The following AGR3 variants were observed in gnomAD, a reference collection of about 807,000 sequenced individuals.
AGR3 encodes anterior gradient 3, protein disulphide isomerase family member.
Under a neutral mutation model 24.5 loss-of-function variants are expected in AGR3, and 37 were observed. The ratio of observed to expected loss-of-function variants is 1.51; its 90% CI spans 1.16 to 1.99. The LOEUF is 1.99. Among genes scored for constraint, AGR3 ranks in the 30% most tolerant of loss-of-function variants. The pLI, the probability that AGR3 is intolerant of heterozygous loss-of-function variation, is 0.00. For missense variants in AGR3, 228 were observed against 191.1 expected, an observed-to-expected ratio of 1.19 and a Z score of -1.14; for synonymous variants, 75 against 61.6, an observed-to-expected ratio of 1.22 and a Z score of -1.02.
At chr7:16,874,939 T>C (rs943758976) in intron 2 of AGR3, among the ~76,000 whole-genome samples, 3 of 151,806 alleles carry the variant, frequency 2.0e-5, no homozygotes, top group African/African-American at 7.3e-5. Flanking sequence ...CAATACAGTG[T>C]AATCTGTCTC....
At chr7:16,864,222 A>T in intron 3 of AGR3, 2 of 1,194,608 alleles carry the variant, frequency 1.7e-6, no homozygotes, top group Non-Finnish European at 2.4e-6. Flanking sequence ...AATGAAACAA[A>T]AATGAATCTG....
chr7:16,875,101 C>T (rs543674639), intron 2 of AGR3, among the ~76,000 whole-genome samples: 2 of 130,430 alleles, frequency 1.5e-5, no homozygotes, highest in East Asian at 2.2e-4. Flanking sequence ...GGTAACAGAG[C>T]GAGACTCCAT....
intron 3 of AGR3, among the ~76,000 whole-genome samples, chr7:16,872,685 T>C (rs1781907287): frequency 6.6e-6 from 1 of 152,102 alleles, no homozygotes; most frequent in Non-Finnish European, 1.5e-5. Context: ...ATAGGAGAAA[T>C]TATTTGCAAA....
At position 16,873,744 on chromosome 7, in the gene AGR3, A is replaced by T. The variant is rs755161846; in HGVS notation, c.173+36T>A. ...GTACAATTATTATGAGTCTACTACA[A>T]ATAAAAGGAAAAAAATGAGCTGAGA... On this transcript the variant is annotated intron_variant, in intron 3 of 7. Transcript: ENST00000310398. 2.0e-6 allele frequency: 3 copies of T among 1,498,870 alleles called. No individual in the cohort carries two copies. The African/African-American group carries it at 4.2e-5, about 21-fold the overall frequency. The allele number at this position is 1,498,870 out of a possible 1,614,324, so 92.8% of individuals were successfully genotyped here. A position where few individuals can be genotyped will look rare whatever the true frequency, so the allele number is the denominator to read the frequency against.
intron 3 of AGR3, among the ~76,000 whole-genome samples, chr7:16,872,309 TAA>T (rs1406075809): frequency 6.6e-6 from 1 of 152,190 alleles, no homozygotes; most frequent in Non-Finnish European, 1.5e-5. Flanking sequence ...TCCACGTATT[TAA>T]AGTCAGCTGA....
In AGR3 at chr7:16,877,884, A is replaced by AT. The variant is rs1254854497; in HGVS notation, c.109+625dup. On this transcript the variant is annotated intron_variant, in intron 2 of 7. Transcript: ENST00000310398. Reference sequence around the variant, plus strand: ...TCTCAAAAAAAAAAAAAAAGAGAGAATTTTTTTTAATAAAATGTTTCTTTA... The same window carrying AT: ...TCTCAAAAAAAAAAAAAAAGAGAGAATTTTTTTTTAATAAAATGTTTCTTTA... Among the ~76,000 whole-genome samples, 643 of 146,486 alleles carry AT rather than the reference A, an allele frequency of 4.4e-3. 3 individuals carry two copies. Among genetic ancestry groups the AT allele is most frequent in the African/African-American group, 0.015 (596 of 40,298 alleles).
intron 3 of AGR3, among the ~76,000 whole-genome samples, chr7:16,872,996 G>T (rs182950020): frequency 3.0e-4 from 46 of 152,298 alleles, no homozygotes; most frequent in Non-Finnish European, 4.9e-4. Context: ...CTTATACACT[G>T]TTGGTAGGAA....
At chr7:16,881,651 A>C (rs1305578548) in intron 1 of AGR3, among the ~76,000 whole-genome samples, 3 of 152,216 alleles carry the variant, frequency 2.0e-5, no homozygotes, top group Non-Finnish European at 4.4e-5. Flanking sequence ...TATATTTTAA[A>C]ATAAAACAAG....
At chr7:16,877,318 A>G (rs2115316940) in intron 2 of AGR3, among the ~76,000 whole-genome samples, 1 of 134,844 alleles carries the variant, frequency 7.4e-6, no homozygotes, top group African/African-American at 2.5e-5. Flanking sequence ...ATAATATATA[A>G]TTTGTATGTT....
At chr7:16,871,709 G>T (rs968249522) in intron 3 of AGR3, among the ~76,000 whole-genome samples, 4 of 152,110 alleles carry the variant, frequency 2.6e-5, no homozygotes, top group African/African-American at 9.7e-5. Context: ...GGGCATGGTG[G>T]CATGTGCCTA....
At chr7:16,864,558 A>G (rs867848036) in intron 3 of AGR3, 6 of 1,406,588 alleles carry the variant, frequency 4.3e-6, no homozygotes, top group Admixed American at 3.4e-5. Context: ...GGAGCCTTCC[A>G]ATATCTTGGA....
At chr7:16,868,911 A>G (rs1781810946) in intron 3 of AGR3, among the ~76,000 whole-genome samples, 1 of 152,204 alleles carries the variant, frequency 6.6e-6, no homozygotes, top group African/African-American at 2.4e-5. Context: ...ATGGTCAGAA[A>G]AGATAGTTGA....
chr7:16,864,184 G>A (rs1781704585), intron 3 of AGR3: 1 of 816,292 alleles, frequency 1.2e-6, no homozygotes, highest in Admixed American at 2.4e-5. Context: ...CATCAGAGAA[G>A]TATATTAACT....
rs1781823714 is a variant in AGR3, at chr7:16,869,498, T to C, written c.173+4282A>G. On this transcript the variant is annotated intron_variant, in intron 3 of 7. Coordinates refer to ENST00000310398, the MANE Select transcript of AGR3 (RefSeq NM_176813.5). ...ATCCCAGCACTTTGGGAGGCCAAGG[T>C]AGGAGGATTGCTTGAGCTTAGGAGT... 2.0e-5 allele frequency among the ~76,000 whole-genome samples: 3 copies of C among 151,838 alleles called. No homozygotes were observed. In the South Asian group the frequency reaches 6.2e-4, roughly 32 times the overall value.
At chr7:16,871,337 C>A (rs990608994) in intron 3 of AGR3, among the ~76,000 whole-genome samples, 1 of 152,088 alleles carries the variant, frequency 6.6e-6, no homozygotes, top group African/African-American at 2.4e-5. Flanking sequence ...AACTATTAGT[C>A]CCTTTGGCAT....
chr7:16,863,068 T>C (rs1295031800), intron 3 of AGR3, among the ~76,000 whole-genome samples: 1 of 152,178 alleles, frequency 6.6e-6, no homozygotes, highest in East Asian at 1.9e-4. Context: ...AGACTCTGTC[T>C]CAAACAGACA....
intron 2 of AGR3, among the ~76,000 whole-genome samples, chr7:16,876,127 A>T (rs1249213500): frequency 2.0e-5 from 3 of 152,186 alleles, no homozygotes; most frequent in Non-Finnish European, 4.4e-5. Context: ...CCCTATTCTC[A>T]ACAAATTGTC....
chr7:16,864,445 C>T (rs1432086841), intron 3 of AGR3: 6 of 1,301,464 alleles, frequency 4.6e-6, no homozygotes, highest in African/African-American at 4.4e-5. Context: ...TGCAGAATGT[C>T]CTCCGTTAAG....
At chr7:16,880,521 T>TTTCCC (rs1782093635) in intron 1 of AGR3, among the ~76,000 whole-genome samples, 1 of 48,394 alleles carries the variant, frequency 2.1e-5, no homozygotes, top group Non-Finnish European at 3.9e-5. Flanking sequence ...TTTCCCCTCC[T>TTTCCC]CTCCCCTCCC....
Sources: allele counts gnomAD v4.1 joint callset (sites outside exome capture counted in the v4.1 genomes callset), GRCh38; gene constraint gnomAD v4.1.1; transcripts MANE v1.5; gene names NCBI Gene and HGNC (gene_info 2026-07-23, HGNC 2026-07-21).